Variants in UBE2E3 observed in about 807,000 individuals in gnomAD.
UBE2E3 encodes the protein ubiquitin-conjugating enzyme E2 E3.
UBE2E3 carries 5 observed loss-of-function variants against 23.6 expected under a neutral mutation model. The ratio of observed to expected loss-of-function variants is 0.21; its 90% CI spans 0.11 to 0.44. The LOEUF (loss-of-function observed/expected upper bound fraction) is 0.44, where lower values mean the gene tolerates loss of function less well. Among genes scored for constraint, UBE2E3 ranks in the 20% least tolerant of loss-of-function variants. The pLI is 0.99. For synonymous variants in UBE2E3, 78 were observed against 87.5 expected, an observed-to-expected ratio of 0.89 and a Z score of 0.60; for missense variants, 81 against 249.8, an observed-to-expected ratio of 0.32 and a Z score of 4.55.
intron 2 of UBE2E3, among the ~76,000 whole-genome samples, chr2:180,983,044 C>G (rs1684350846): frequency 6.6e-6 from 1 of 152,066 alleles, no homozygotes. Flanking sequence ...CAATGAGACT[C>G]TTATCAGTGG....
intron 3 of UBE2E3, among the ~76,000 whole-genome samples, chr2:181,000,888 ATTCT>A (rs1443236397): frequency 6.6e-6 from 1 of 152,218 alleles, no homozygotes; most frequent in East Asian, 1.9e-4. Flanking sequence ...TAAAGTAAGA[ATTCT>A]TGTGCTTTGA....
At chr2:181,049,500 C>A (rs1175699505) in intron 3 of UBE2E3, among the ~76,000 whole-genome samples, 4 of 151,962 alleles carry the variant, frequency 2.6e-5, no homozygotes, top group African/African-American at 9.7e-5. Context: ...AATAAAAATA[C>A]CTGTACCAGA....
intron 3 of UBE2E3, among the ~76,000 whole-genome samples, chr2:181,023,778 C>T (rs573412427): frequency 2.0e-5 from 3 of 151,930 alleles, no homozygotes; most frequent in East Asian, 1.9e-4. Flanking sequence ...TTTTAAATGA[C>T]GATGATAAAA....
At chr2:181,009,465 A>G (rs1278070253) in intron 3 of UBE2E3, among the ~76,000 whole-genome samples, 1 of 152,104 alleles carries the variant, frequency 6.6e-6, no homozygotes, top group Non-Finnish European at 1.5e-5. Flanking sequence ...ATGGAAGTCC[A>G]CCACATACTA....
intron 3 of UBE2E3, among the ~76,000 whole-genome samples, chr2:180,994,514 C>T (rs900298937): frequency 6.6e-6 from 1 of 152,192 alleles, no homozygotes; most frequent in Non-Finnish European, 1.5e-5. Flanking sequence ...ATTGTGACAT[C>T]AGCATGCCTA....
Position 181,024,439 on chromosome 2 carries a change from A to T in UBE2E3, c.246-33254A>T, listed in dbSNP as rs1463134336. 3.6e-4 allele frequency among the ~76,000 whole-genome samples: 55 copies of T among 152,174 alleles called. 1 individual carries two copies. Among genetic ancestry groups the T allele is most frequent in the Admixed American group, 3.6e-3 (55 of 15,274 alleles). On this transcript the variant is annotated intron_variant, in intron 3 of 5. Coordinates refer to ENST00000410062, the MANE Select transcript of UBE2E3 (RefSeq NM_006357.4). Reference sequence around the variant, plus strand: ...TCAAGTATTTTGGAAACTGAGTTCCAGTCATCATGGAGTAAACAAGCAATA... The same window carrying T: ...TCAAGTATTTTGGAAACTGAGTTCCTGTCATCATGGAGTAAACAAGCAATA...
chr2:181,030,578 G>GA (rs938563975), intron 3 of UBE2E3, among the ~76,000 whole-genome samples: 3 of 151,752 alleles, frequency 2.0e-5, no homozygotes, highest in Admixed American at 6.6e-5. Flanking sequence ...TGGCCTCAGA[G>GA]AAAAAAAATT....
intron 5 of UBE2E3, among the ~76,000 whole-genome samples, chr2:181,061,553 T>C (rs1358187227): frequency 2.0e-5 from 3 of 151,672 alleles, no homozygotes; most frequent in Non-Finnish European, 4.4e-5. Context: ...CTTCCTTTTT[T>C]AATTAATTAG....
intron 3 of UBE2E3, among the ~76,000 whole-genome samples, chr2:180,989,170 A>G (rs116523122): frequency 0.015 from 2,321 of 152,210 alleles, 64 homozygotes; most frequent in African/African-American, 0.053. Flanking sequence ...GATCAAAGCA[A>G]ATTGACGTTT....
intron 3 of UBE2E3, among the ~76,000 whole-genome samples, chr2:181,045,590 G>C (rs1219226839): frequency 6.6e-6 from 1 of 152,108 alleles, no homozygotes; most frequent in Non-Finnish European, 1.5e-5. Flanking sequence ...AGCTCTGTAA[G>C]CTCAGACCAA....
chr2:180,992,925 C>T (rs1684710009), intron 3 of UBE2E3, among the ~76,000 whole-genome samples: 1 of 152,194 alleles, frequency 6.6e-6, no homozygotes. Context: ...GTGGCTGCTC[C>T]ACTTTACAAA....
intron 3 of UBE2E3, among the ~76,000 whole-genome samples, chr2:181,018,262 C>T (rs1194198104): frequency 1.3e-5 from 2 of 152,058 alleles, no homozygotes; most frequent in African/African-American, 4.8e-5. Context: ...ATTCTGTCCA[C>T]CTTGGAGGAA....
chr2:181,017,157 G>A (rs1047427551), intron 3 of UBE2E3, among the ~76,000 whole-genome samples: 1 of 152,176 alleles, frequency 6.6e-6, no homozygotes, highest in Non-Finnish European at 1.5e-5. Flanking sequence ...TTCCCTGAGA[G>A]TGGGGAGAAG....
intron 3 of UBE2E3, among the ~76,000 whole-genome samples, chr2:180,991,995 G>A (rs756328604): frequency 2.0e-5 from 3 of 152,314 alleles, no homozygotes; most frequent in East Asian, 1.9e-4. Flanking sequence ...GGACTGCTCT[G>A]CTACTTCTGT....
intron 3 of UBE2E3, among the ~76,000 whole-genome samples, chr2:181,004,023 A>G (rs946268531): frequency 3.3e-5 from 5 of 152,240 alleles, no homozygotes; most frequent in African/African-American, 1.2e-4. Flanking sequence ...CATGCTCTTC[A>G]TCACACTGCC....
intron 3 of UBE2E3, among the ~76,000 whole-genome samples, chr2:181,033,242 G>C (rs543379279): frequency 6.6e-6 from 1 of 152,058 alleles, no homozygotes; most frequent in African/African-American, 2.4e-5. Flanking sequence ...AGCCAAAAGA[G>C]CAAAGCTGGA....
chr2:181,017,234 A>G (rs968866555), intron 3 of UBE2E3, among the ~76,000 whole-genome samples: 5 of 152,198 alleles, frequency 3.3e-5, no homozygotes, highest in Admixed American at 2.6e-4. Context: ...GGAAGTTTAC[A>G]TTAAAGTGGG....
chr2:181,038,814 A>G lies in UBE2E3; in HGVS notation c.246-18879A>G, dbSNP rs182002883. On this transcript the variant is annotated intron_variant, in intron 3 of 5. Transcript: ENST00000410062. ...ATGTTACTGATGAAGCTGTATGAAT[A>G]ACAGTGGTGCTTACACATCATTAGT... Among the ~76,000 whole-genome samples the G allele has an allele frequency of 6.4e-4, 98 of 152,354 alleles. 1 individual carries two copies. In the East Asian group the frequency reaches 0.016, roughly 25 times the overall value.
chr2:181,010,385 A>G (rs1574178792), intron 3 of UBE2E3, among the ~76,000 whole-genome samples: 1 of 152,084 alleles, frequency 6.6e-6, no homozygotes, highest in Non-Finnish European at 1.5e-5. Flanking sequence ...TCGTCACTTT[A>G]GCTGGTAAGA....
Sources: allele counts gnomAD v4.1 joint callset (sites outside exome capture counted in the v4.1 genomes callset), GRCh38; gene constraint gnomAD v4.1.1; transcripts MANE v1.5; gene names NCBI Gene and HGNC (gene_info 2026-07-23, HGNC 2026-07-21).